The following MRC1 variants were observed in gnomAD, a reference collection of about 807,000 sequenced individuals.
MRC1 encodes mannose receptor C-type 1.
Under a neutral mutation model 102.9 loss-of-function variants are expected in MRC1, and 62 were observed. The ratio of observed to expected loss-of-function variants is 0.60; its 90% CI spans 0.49 to 0.74. The LOEUF is 0.74. Among genes scored for constraint, MRC1 ranks in the 30% least tolerant of loss-of-function variants. MRC1 has a pLI of 0.00. For synonymous variants in MRC1, 457 were observed against 298.4 expected (o/e 1.53, Z -5.48); for missense variants, 1,237 against 862.8 (o/e 1.43, Z -5.43).
chr10:17,862,698 C>T (rs1833202004), intron 10 of MRC1, among the ~76,000 whole-genome samples: 1 of 152,220 alleles, frequency 6.6e-6, no homozygotes, highest in South Asian at 2.1e-4. Context: ...ATTATTTAGA[C>T]TATGGTCAAA....
At chr10:17,813,309 C>T (rs1473776619) in intron 1 of MRC1, among the ~76,000 whole-genome samples, 1 of 152,196 alleles carries the variant, frequency 6.6e-6, no homozygotes, top group African/African-American at 2.4e-5. Flanking sequence ...AACTGTGGTT[C>T]TGACATAGAC....
intron 10 of MRC1, among the ~76,000 whole-genome samples, chr10:17,862,479 G>C (rs1833198546): frequency 6.6e-6 from 1 of 152,054 alleles, no homozygotes; most frequent in South Asian, 2.1e-4. Context: ...TGGTCTATTG[G>C]ACATTTGTGC....
chr10:17,882,059 T>C (rs1251652003), intron 21 of MRC1, among the ~76,000 whole-genome samples: 2 of 152,038 alleles, frequency 1.3e-5, no homozygotes, highest in African/African-American at 4.8e-5. Flanking sequence ...TTCATGATGT[T>C]GTCGTCAAAA....
In MRC1 at chr10:17,897,144, C is replaced by A. The variant is rs1448043310; in HGVS notation, c.3251-890C>A. Among the ~76,000 whole-genome samples the A allele has an allele frequency of 1.3e-4, 20 of 152,286 alleles. No individual in the cohort carries two copies. In the East Asian group the frequency reaches 2.5e-3, roughly 19 times the overall value. On this transcript the variant is annotated intron_variant, in intron 23 of 29. Transcript: ENST00000569591. Reference sequence around the variant, plus strand: ...TTATTCTTCTTTGATTCTTCTCTATCCCCAACCATTTAAAAACTTTTTCAG... The same window carrying A: ...TTATTCTTCTTTGATTCTTCTCTATACCCAACCATTTAAAAACTTTTTCAG...
intron 17 of MRC1, among the ~76,000 whole-genome samples, chr10:17,876,716 A>T (rs1833442491): frequency 6.6e-6 from 1 of 152,212 alleles, no homozygotes; most frequent in African/African-American, 2.4e-5. Flanking sequence ...TAATTTAAAA[A>T]TCTGGCTTAC....
chr10:17,829,882 G>C (rs895560031), intron 3 of MRC1, among the ~76,000 whole-genome samples: 4 of 151,440 alleles, frequency 2.6e-5, no homozygotes, highest in Non-Finnish European at 5.9e-5. Context: ...ATGTGTGTTG[G>C]AGACGTATCT....
At chr10:17,854,048 G>A (rs943333424) in intron 8 of MRC1, among the ~76,000 whole-genome samples, 3 of 152,080 alleles carry the variant, frequency 2.0e-5, no homozygotes, top group African/African-American at 7.2e-5. Flanking sequence ...GCTCATTGCA[G>A]TCTTGACCTC....
At chr10:17,874,074 T>A (rs1833392317) in intron 16 of MRC1, among the ~76,000 whole-genome samples, 1 of 152,212 alleles carries the variant, frequency 6.6e-6, no homozygotes, top group East Asian at 1.9e-4. Flanking sequence ...TTCCTTCTTC[T>A]TTAGCACATA....
chr10:17,813,656 T>TAC (rs1472138117), intron 1 of MRC1, among the ~76,000 whole-genome samples: 5 of 129,214 alleles, frequency 3.9e-5, no homozygotes, highest in African/African-American at 1.4e-4. Flanking sequence ...TATACATATA[T>TAC]ATATATACAC....
In MRC1 at chr10:17,818,673, G is replaced by A. The variant is rs973565973; in HGVS notation, c.62-4401G>A. Among the ~76,000 whole-genome samples the A allele has an allele frequency of 8.0e-3, 1,225 of 152,262 alleles. 10 individuals are homozygous for A. Among genetic ancestry groups the A allele is most frequent in the Middle Eastern group, 0.017 (5 of 294 alleles). On this transcript the variant is annotated intron_variant, in intron 1 of 29. Coordinates refer to ENST00000569591, the MANE Select transcript of MRC1 (RefSeq NM_002438.4). ...AAAATACAAAAATTAGGTGGGTGTGGTGACATGCACCTGTAATCCCAGAGC... is the reference window on the plus strand; with the variant it reads ...AAAATACAAAAATTAGGTGGGTGTGATGACATGCACCTGTAATCCCAGAGC...
chr10:17,900,442 A>T lies in MRC1; in HGVS notation c.3484-346A>T, dbSNP rs1238721304. On this transcript the variant is annotated intron_variant, in intron 24 of 29. Transcript: ENST00000569591. ...TTATAATTTCAATAATAATATAAGA[A>T]ATATCTTATTTGTTATGAAGATAAA... 3.9e-5 allele frequency among the ~76,000 whole-genome samples: 6 copies of T among 152,100 alleles called. No homozygotes were observed. In the East Asian group the frequency reaches 9.6e-4, roughly 24 times the overall value.
chr10:17,884,077 C>G (rs1833556368), intron 21 of MRC1, among the ~76,000 whole-genome samples: 1 of 152,192 alleles, frequency 6.6e-6, no homozygotes. Context: ...AGTAATCCTC[C>G]TGCCTCAGCC....
At chr10:17,818,088 AGTGT>A (rs1838339451) in intron 1 of MRC1, among the ~76,000 whole-genome samples, 1 of 152,240 alleles carries the variant, frequency 6.6e-6, no homozygotes, top group Admixed American at 6.5e-5. Context: ...AGAATAGATA[AGTGT>A]GTATTGAAAC....
intron 1 of MRC1, 145 bp from the exon 2 acceptor site, chr10:17,822,929 T>A (rs950103816): frequency 2.0e-4 from 134 of 660,862 alleles, no homozygotes; most frequent in Non-Finnish European, 3.3e-4. Context: ...GGCACAGTCA[T>A]CAGTACCTCT....
intron 3 of MRC1, among the ~76,000 whole-genome samples, chr10:17,829,388 T>C (rs1838533912): frequency 6.6e-6 from 1 of 151,478 alleles, no homozygotes; most frequent in Non-Finnish European, 1.5e-5. Flanking sequence ...CCCCATATAC[T>C]ATTGTAATTG....
At chr10:17,834,260 C>T (rs1838626668) in intron 4 of MRC1, among the ~76,000 whole-genome samples, 1 of 152,178 alleles carries the variant, frequency 6.6e-6, no homozygotes, top group Non-Finnish European at 1.5e-5. Flanking sequence ...CTACCACTGG[C>T]AGAGACAAGT....
At chr10:17,897,383 T>C (rs1833770356) in intron 23 of MRC1, among the ~76,000 whole-genome samples, 2 of 152,170 alleles carry the variant, frequency 1.3e-5, no homozygotes, top group Non-Finnish European at 2.9e-5. Flanking sequence ...ATTTGGCTTG[T>C]AGGGGCTCCA....
chr10:17,884,086 C>A (rs1589191120), intron 21 of MRC1, among the ~76,000 whole-genome samples: 1 of 152,166 alleles, frequency 6.6e-6, no homozygotes, highest in Non-Finnish European at 1.5e-5. Flanking sequence ...CCTGCCTCAG[C>A]CTTTTGAGAA....
chr10:17,904,172 TA>T (rs1833867220), intron 26 of MRC1, among the ~76,000 whole-genome samples: 1 of 152,196 alleles, frequency 6.6e-6, no homozygotes, highest in Non-Finnish European at 1.5e-5. Flanking sequence ...GAGTTATACA[TA>T]AAAAGCACAT....
Sources: allele counts gnomAD v4.1 joint callset (sites outside exome capture counted in the v4.1 genomes callset), GRCh38; gene constraint gnomAD v4.1.1; transcripts MANE v1.5; gene names NCBI Gene and HGNC (gene_info 2026-07-23, HGNC 2026-07-21).